The following SULT1E1 variants were observed in gnomAD, a reference collection of about 807,000 sequenced individuals.
SULT1E1 encodes sulfotransferase 1E1.
In SULT1E1, 36 loss-of-function variants were observed where a neutral mutation model predicts 33.6. The observed-to-expected ratio is 1.07, with a 90% CI of 0.82 to 1.41. SULT1E1 has a LOEUF of 1.41. SULT1E1 is among the 40% of genes most tolerant of loss of function. The pLI, the probability that SULT1E1 is intolerant of heterozygous loss-of-function variation, is 0.00. For synonymous variants in SULT1E1, 121 were observed against 111.7 expected (o/e 1.08, Z -0.53); for missense variants, 371 against 345.7 (o/e 1.07, Z -0.58).
downstream of SULT1E1, among the ~76,000 whole-genome samples, chr4:69,836,385 G>T (rs1395996960): frequency 6.6e-6 from 1 of 152,170 alleles, no homozygotes; most frequent in Non-Finnish European, 1.5e-5. Flanking sequence ...TCATCTTATA[G>T]AGACATTCTA....
the SULT1E1 span, among the ~76,000 whole-genome samples, chr4:69,833,152 C>A: frequency 6.6e-6 from 1 of 151,810 alleles, no homozygotes; most frequent in African/African-American, 2.4e-5. Context: ...TATATGGAAC[C>A]CTAGGCATGA....
the SULT1E1 span, among the ~76,000 whole-genome samples, chr4:69,827,018 T>C: frequency 6.6e-6 from 1 of 152,108 alleles, no homozygotes; most frequent in East Asian, 1.9e-4. Context: ...CTATCGGTTA[T>C]GTCGCCTTCA....
At chr4:69,848,461 T>G (rs989621407) in intron 5 of SULT1E1, among the ~76,000 whole-genome samples, 3 of 151,888 alleles carry the variant, frequency 2.0e-5, no homozygotes, top group African/African-American at 7.2e-5. Flanking sequence ...AGTCAAAAGG[T>G]TCTGCTTTGC....
chr4:69,857,059 A>G (rs1193672741), intron 2 of SULT1E1, among the ~76,000 whole-genome samples: 5 of 152,086 alleles, frequency 3.3e-5, no homozygotes, highest in Admixed American at 1.3e-4. Context: ...TCTAATTTCT[A>G]AAAGTCTACA....
At chr4:69,854,148 T>C (rs11249468) in intron 4 of SULT1E1, 69 bp downstream of exon 4, 5 of 1,114,706 alleles carry the variant, frequency 4.5e-6, no homozygotes, top group Admixed American at 3.7e-5. Context: ...CAAGTGTGTA[T>C]AACTGATGAG....
At chr4:69,850,047 T>G (rs1417378693) in intron 4 of SULT1E1, among the ~76,000 whole-genome samples, 1 of 151,982 alleles carries the variant, frequency 6.6e-6, no homozygotes, top group East Asian at 1.9e-4. Flanking sequence ...CTGAGGTCTC[T>G]TCACTTTCAA....
chr4:69,833,875 A>G, the SULT1E1 span, among the ~76,000 whole-genome samples: 2 of 152,232 alleles, frequency 1.3e-5, no homozygotes, highest in African/African-American at 4.8e-5. Context: ...GTTAAAAGCC[A>G]TCAAAGAATA....
the SULT1E1 span, among the ~76,000 whole-genome samples, chr4:69,829,669 G>A: frequency 2.0e-5 from 3 of 152,130 alleles, no homozygotes; most frequent in Non-Finnish European, 4.4e-5. Flanking sequence ...AAAGGAACTG[G>A]ACAATTTGGA....
chr4:69,855,269 C>T (rs1347699892), intron 3 of SULT1E1, 32 bp downstream of exon 3: 7 of 1,598,972 alleles, frequency 4.4e-6, no homozygotes, highest in Non-Finnish European at 3.4e-6. Context: ...AGAATATATG[C>T]AAATAGTTTT....
the SULT1E1 span, among the ~76,000 whole-genome samples, chr4:69,823,996 C>T: frequency 0.056 from 8,590 of 152,236 alleles, 291 homozygotes; most frequent in East Asian, 0.082. Flanking sequence ...AGGGCACTTC[C>T]TGGCACTGAC....
At chr4:69,853,957 GTTA>G (rs1175948224) in intron 4 of SULT1E1, among the ~76,000 whole-genome samples, 1 of 152,114 alleles carries the variant, frequency 6.6e-6, no homozygotes, top group African/African-American at 2.4e-5. Flanking sequence ...TGAAAAAGAT[GTTA>G]TTATTATCTT....
intron 2 of SULT1E1, among the ~76,000 whole-genome samples, chr4:69,857,177 C>A (rs1019667541): frequency 6.6e-6 from 1 of 151,980 alleles, no homozygotes; most frequent in Non-Finnish European, 1.5e-5. Context: ...GGTGGTCATA[C>A]GCTGTATATA....
At chr4:69,848,045 T>C (rs1721017313) in intron 5 of SULT1E1, among the ~76,000 whole-genome samples, 1 of 151,472 alleles carries the variant, frequency 6.6e-6, no homozygotes, top group Non-Finnish European at 1.5e-5. Context: ...GAAAGTTCTC[T>C]CATCAATTTG....
chr4:69,850,080 A>G (rs548564741), intron 4 of SULT1E1, among the ~76,000 whole-genome samples: 1 of 152,170 alleles, frequency 6.6e-6, no homozygotes, highest in South Asian at 2.1e-4. Context: ...AAAACATTTT[A>G]TGAGGTGAAA....
chr4:69,852,302 G>T (rs1389232156), intron 4 of SULT1E1, among the ~76,000 whole-genome samples: 2 of 151,940 alleles, frequency 1.3e-5, no homozygotes, highest in Non-Finnish European at 2.9e-5. Flanking sequence ...TTTTATTGTT[G>T]GTGTGTGTGA....
chr4:69,822,696 T>C, the SULT1E1 span, among the ~76,000 whole-genome samples: 1 of 152,160 alleles, frequency 6.6e-6, no homozygotes, highest in Non-Finnish European at 1.5e-5. Context: ...CTTTTATTCA[T>C]CCCCATCTTG....
At chr4:69,826,163 C>G in the SULT1E1 span, among the ~76,000 whole-genome samples, 1 of 152,136 alleles carries the variant, frequency 6.6e-6, no homozygotes. Flanking sequence ...GTCACTCTTC[C>G]AACCCTGGAG....
At chr4:69,848,849 T>G (rs1320174749) in intron 5 of SULT1E1, among the ~76,000 whole-genome samples, 1 of 151,886 alleles carries the variant, frequency 6.6e-6, no homozygotes, top group Admixed American at 6.6e-5. Flanking sequence ...TCTAAACACT[T>G]TAGTAAAAGT....
the SULT1E1 span, among the ~76,000 whole-genome samples, chr4:69,834,544 C>G: frequency 6.6e-6 from 1 of 152,144 alleles, no homozygotes; most frequent in African/African-American, 2.4e-5. Context: ...ACAACAGCTT[C>G]TTAACTGCTT....
Sources: gnomAD v4.1 joint callset for allele counts (sites outside exome capture counted in the v4.1 genomes callset) on GRCh38, gnomAD v4.1.1 for gene constraint, MANE v1.5 for transcripts, NCBI Gene and HGNC (gene_info 2026-07-23, HGNC 2026-07-21) for gene names.